IL19: variants seen among roughly 807,000 people sequenced by gnomAD.
The protein encoded by IL19 is interleukin-19.
IL19 carries 15 observed loss-of-function variants against 19.5 expected under a neutral mutation model. The ratio of observed to expected loss-of-function variants is 0.77; its 90% CI spans 0.52 to 1.19. IL19 has a LOEUF of 1.19. Ranked by LOEUF, IL19 falls within the 50% of genes most tolerant of loss-of-function variation. The pLI, the probability that IL19 is intolerant of heterozygous loss-of-function variation, is 0.00. For missense variants in IL19, 199 were observed against 213.1 expected (o/e 0.93, Z 0.41); for synonymous variants, 78 against 78.3 (o/e 1.00, Z 0.02).
chr1:206,803,049 A>G (rs1675757581), intron 2 of IL19, among the ~76,000 whole-genome samples: 1 of 152,126 alleles, frequency 6.6e-6, no homozygotes, highest in African/African-American at 2.4e-5. Context: ...AAGTTCAAAT[A>G]CTAGTCTTAC....
chr1:206,796,668 C>CTG (rs1675533169), intron 1 of IL19, among the ~76,000 whole-genome samples: 1 of 151,970 alleles, frequency 6.6e-6, no homozygotes, highest in Admixed American at 6.6e-5. Context: ...CAGCATCATG[C>CTG]TGTACAGGTT....
chr1:206,832,019 C>T (rs533740040), intron 2 of IL19, among the ~76,000 whole-genome samples: 1 of 152,246 alleles, frequency 6.6e-6, no homozygotes, highest in Non-Finnish European at 1.5e-5. Flanking sequence ...CTGCTATTCT[C>T]ACATGTGCAG....
intron 1 of IL19, 36 bp downstream of exon 1, chr1:206,771,114 G>T: frequency 6.3e-7 from 1 of 1,586,974 alleles, no homozygotes; most frequent in Non-Finnish European, 8.6e-7. Context: ...CTGGGAGGAG[G>T]GGCTGCTGCA....
chr1:206,837,354 G>T (rs1255269830), intron 4 of IL19, among the ~76,000 whole-genome samples: 1 of 152,126 alleles, frequency 6.6e-6, no homozygotes, highest in Non-Finnish European at 1.5e-5. Context: ...ACCCGAGGAG[G>T]TTGTAGATCA....
chr1:206,794,979 C>CT (rs1675488133), intron 1 of IL19, among the ~76,000 whole-genome samples: 1 of 152,218 alleles, frequency 6.6e-6, no homozygotes, highest in South Asian at 2.1e-4. Context: ...CCCAAAACTG[C>CT]TTTGTGCCTG....
chr1:206,822,048 G>A (rs547426731), intron 2 of IL19, among the ~76,000 whole-genome samples: 57 of 152,258 alleles, frequency 3.7e-4, no homozygotes, highest in African/African-American at 1.2e-3. Flanking sequence ...ACTTGAGCAC[G>A]GCAGTTTTAG....
chr1:206,797,029 G>T (rs1351911367), intron 1 of IL19, among the ~76,000 whole-genome samples: 1 of 152,218 alleles, frequency 6.6e-6, no homozygotes, highest in Non-Finnish European at 1.5e-5. Context: ...TGAGGCTGGG[G>T]TAAGACTTGG....
At chr1:206,792,550 G>T (rs938867637) in intron 1 of IL19, among the ~76,000 whole-genome samples, 2 of 152,036 alleles carry the variant, frequency 1.3e-5, no homozygotes, top group Non-Finnish European at 2.9e-5. Flanking sequence ...TCCGCTTCCT[G>T]GGTTCAAGTG....
At chr1:206,811,346 AGGCGGGAGAAT>A (rs1438713768) in intron 2 of IL19, among the ~76,000 whole-genome samples, 1 of 150,342 alleles carries the variant, frequency 6.7e-6, no homozygotes, top group Non-Finnish European at 1.5e-5. Context: ...CAGGAGGCTG[AGGCGGGAGAAT>A]GGCGAGAACC....
In IL19 at chr1:206,842,670, G is replaced by T. The variant is rs371050229; in HGVS notation, c.*48G>T. On this transcript the variant is annotated 3_prime_UTR_variant, in exon 7 of 7. Coordinates refer to ENST00000659997, the MANE Select transcript of IL19 (RefSeq NM_153758.5). ...TCCAGGGATGAACACCCCCTGTGCG[G>T]TTTACTGTGGGAGACAGCCCACCTT... The T allele has an allele frequency of 6.8e-6, 8 of 1,182,248 alleles. No homozygotes were observed. In the African/African-American group the frequency reaches 7.6e-5, roughly 11 times the overall value. The allele number at this position is 1,182,248 out of a possible 1,614,324, so 73.2% of individuals were successfully genotyped here. A position where few individuals can be genotyped will look rare whatever the true frequency, so the allele number is the denominator to read the frequency against.
intron 2 of IL19, among the ~76,000 whole-genome samples, chr1:206,805,500 C>T (rs1675826933): frequency 6.6e-6 from 1 of 152,136 alleles, no homozygotes; most frequent in Non-Finnish European, 1.5e-5. Flanking sequence ...GGAAACAATC[C>T]AAATGGAAGA....
chr1:206,815,057 A>C (rs770424626), intron 2 of IL19, among the ~76,000 whole-genome samples: 1 of 152,188 alleles, frequency 6.6e-6, no homozygotes, highest in Non-Finnish European at 1.5e-5. Context: ...AAACAGCTCA[A>C]TGAGGACTGC....
chr1:206,834,204 A>G (rs1345774254), intron 2 of IL19: 2 of 985,126 alleles, frequency 2.0e-6, no homozygotes, highest in Non-Finnish European at 2.4e-6. Context: ...CTATATCTTA[A>G]AGAAGAAAGA....
chr1:206,800,477 A>G (rs1428769327), intron 2 of IL19, among the ~76,000 whole-genome samples: 1 of 152,154 alleles, frequency 6.6e-6, no homozygotes, highest in Admixed American at 6.5e-5. Context: ...AGAGAGAGTG[A>G]TTTACCACCT....
At chr1:206,824,499 A>C (rs1054717119) in intron 2 of IL19, among the ~76,000 whole-genome samples, 3 of 152,314 alleles carry the variant, frequency 2.0e-5, no homozygotes, top group South Asian at 2.1e-4. Context: ...ATTCAAAAAC[A>C]TGTATGGCAT....
intron 1 of IL19, among the ~76,000 whole-genome samples, chr1:206,788,723 T>C (rs917947490): frequency 2.0e-5 from 3 of 152,066 alleles, no homozygotes; most frequent in African/African-American, 7.2e-5. Flanking sequence ...AGAAAAGCAT[T>C]AGGGTTTTCA....
At chr1:206,796,857 C>G (rs4845139) in intron 1 of IL19, among the ~76,000 whole-genome samples, 68,225 of 152,042 alleles carry the variant, frequency 0.45, 15,830 homozygotes, top group East Asian at 0.7. Flanking sequence ...AGTCTGGCAG[C>G]TTCCTCCACC....
intron 1 of IL19, among the ~76,000 whole-genome samples, chr1:206,776,867 T>G (rs1443323998): frequency 6.8e-6 from 1 of 146,468 alleles, no homozygotes; most frequent in Non-Finnish European, 1.5e-5. Flanking sequence ...CCCTTCCCTT[T>G]GTATGGGAGC....
In IL19 at chr1:206,812,145, T is replaced by G. The variant is rs532839264; in HGVS notation, c.-3+13139T>G. On this transcript the variant is annotated intron_variant, in intron 2 of 6. Transcript: ENST00000659997. ...AGGGATGGGGTTCTACATTACAGGA[T>G]GTAGATTATACTTTGAATCACAGAA... is the stretch of plus-strand genomic sequence containing the variant. Among the ~76,000 whole-genome samples, 7 of 152,332 alleles carry G rather than the reference T, an allele frequency of 4.6e-5. No individual in the cohort carries two copies. The South Asian group carries it at 1.5e-3, about 32-fold the overall frequency.
Sources: allele counts gnomAD v4.1 joint callset (sites outside exome capture counted in the v4.1 genomes callset), GRCh38; gene constraint gnomAD v4.1.1; transcripts MANE v1.5; gene names NCBI Gene and HGNC (gene_info 2026-07-23, HGNC 2026-07-21).